The following IL1RAPL1 variants were observed in gnomAD, a reference collection of about 807,000 sequenced individuals.
The protein encoded by IL1RAPL1 is interleukin 1 receptor accessory protein like 1.
In IL1RAPL1, 3 loss-of-function variants were observed where a neutral mutation model predicts 48.4. The observed-to-expected ratio is 0.06, with a 90% CI of 0.03 to 0.16. IL1RAPL1 has a LOEUF of 0.16. IL1RAPL1 is among the 10% of genes least tolerant of loss of function. The pLI, the probability that IL1RAPL1 is intolerant of heterozygous loss-of-function variation, is 1.00. For synonymous variants in IL1RAPL1, 185 were observed against 187.7 expected, an observed-to-expected ratio of 0.99 and a Z score of 0.12; for missense variants, 349 against 530.6, an observed-to-expected ratio of 0.66 and a Z score of 3.36.
At chrX:29,083,780 T>A (rs1186180036) in intron 2 of IL1RAPL1, among the ~76,000 whole-genome samples, 1 of 112,001 alleles carries the variant, frequency 8.9e-6, no homozygotes, top group Non-Finnish European at 1.9e-5. Flanking sequence ...GTTAGGTACA[T>A]AGAGTATAGT....
At chrX:29,296,020 G>A (rs1932444558) in intron 3 of IL1RAPL1, among the ~76,000 whole-genome samples, 2 of 111,799 alleles carry the variant, frequency 1.8e-5, no homozygotes, top group African/African-American at 3.3e-5. Context: ...GCCTAAGATA[G>A]GGATTCCTGT....
intron 2 of IL1RAPL1, among the ~76,000 whole-genome samples, chrX:28,937,598 C>T (rs1345590478): frequency 9.0e-6 from 1 of 111,311 alleles, no homozygotes; most frequent in Non-Finnish European, 1.9e-5. Flanking sequence ...TTTTTAAAAT[C>T]ATGGTTACTA....
At chrX:28,656,490 C>G (rs771216802) in intron 1 of IL1RAPL1, among the ~76,000 whole-genome samples, 17 of 111,096 alleles carry the variant, frequency 1.5e-4, no homozygotes, top group African/African-American at 5.6e-4. Flanking sequence ...AATTCCAGTC[C>G]CATCAGCTTT....
At chrX:28,807,618 C>G (rs1237485922) in intron 2 of IL1RAPL1, among the ~76,000 whole-genome samples, 1 of 111,191 alleles carries the variant, frequency 9.0e-6, no homozygotes, top group Non-Finnish European at 1.9e-5. Flanking sequence ...GACTTAAAAA[C>G]TAAGACTTCT....
chrX:29,768,049 T>C (rs1354438397), intron 6 of IL1RAPL1, among the ~76,000 whole-genome samples: 4 of 111,925 alleles, frequency 3.6e-5, no homozygotes, highest in Admixed American at 2.9e-4. Context: ...TTTAAAAAAA[T>C]TATATTTTTC....
At chrX:28,739,093 A>G (rs1935878263) in intron 1 of IL1RAPL1, among the ~76,000 whole-genome samples, 1 of 111,253 alleles carries the variant, frequency 9.0e-6, no homozygotes, top group Admixed American at 9.6e-5. Context: ...CCTACACAGC[A>G]TTCCTCCTCT....
chrX:29,364,820 G>A (rs1483051521), intron 3 of IL1RAPL1, among the ~76,000 whole-genome samples: 1 of 110,819 alleles, frequency 9.0e-6, no homozygotes, highest in African/African-American at 3.3e-5. Context: ...TTGAACATCT[G>A]TGGGTTTCAG....
At chrX:29,356,870 T>G (rs1290742716) in intron 3 of IL1RAPL1, among the ~76,000 whole-genome samples, 3 of 111,788 alleles carry the variant, frequency 2.7e-5, no homozygotes, top group Non-Finnish European at 5.6e-5. Context: ...TAGAAGTGCT[T>G]GAAGATTCCC....
Position 29,214,557 on chromosome X carries a change from C to T in IL1RAPL1, c.83-68381C>T, listed in dbSNP as rs145052208. Among the ~76,000 whole-genome samples, 420 of 111,326 alleles carry T rather than the reference C, an allele frequency of 3.8e-3. 15 individuals carry two copies. The East Asian group carries it at 0.1, about 26-fold the overall frequency. ...ATAATAAAAGAATTAAAATTGGTAA[C>T]CTCTGAAGTCCCTCACTACTCAAAA... On this transcript the variant is annotated intron_variant, in intron 2 of 10. Coordinates refer to ENST00000378993, the MANE Select transcript of IL1RAPL1 (RefSeq NM_014271.4).
chrX:29,210,056 A>G (rs1218016167), intron 2 of IL1RAPL1, among the ~76,000 whole-genome samples: 1 of 112,188 alleles, frequency 8.9e-6, no homozygotes, highest in Non-Finnish European at 1.9e-5. Flanking sequence ...AAGTGGTTCA[A>G]ATTAATCATG....
At chrX:29,333,438 G>A (rs1311183791) in intron 3 of IL1RAPL1, among the ~76,000 whole-genome samples, 49 of 85,774 alleles carry the variant, frequency 5.7e-4, no homozygotes, top group African/African-American at 7.1e-4. Flanking sequence ...GGACGGGGCG[G>A]CTGGCCGGGC....
At chrX:28,602,461 G>A (rs1340269586) in intron 1 of IL1RAPL1, among the ~76,000 whole-genome samples, 1 of 112,163 alleles carries the variant, frequency 8.9e-6, no homozygotes, top group Non-Finnish European at 1.9e-5. Flanking sequence ...GGTAAGTTAT[G>A]TTCTTTTGCA....
intron 3 of IL1RAPL1, among the ~76,000 whole-genome samples, chrX:29,314,779 T>G (rs1369960994): frequency 8.9e-6 from 1 of 112,186 alleles, no homozygotes; most frequent in African/African-American, 3.2e-5. Flanking sequence ...TTAAATATAT[T>G]TTTCAACTAC....
intron 2 of IL1RAPL1, among the ~76,000 whole-genome samples, chrX:28,801,974 A>G (rs534775344): frequency 1.8e-5 from 2 of 111,767 alleles, no homozygotes; most frequent in African/African-American, 3.2e-5. Flanking sequence ...TTTTTCTGTA[A>G]CTTATTTTAC....
intron 6 of IL1RAPL1, among the ~76,000 whole-genome samples, chrX:29,904,128 C>G (rs892876551): frequency 8.9e-6 from 1 of 111,873 alleles, no homozygotes; most frequent in East Asian, 2.8e-4. Context: ...AGTCTTAGCT[C>G]TATCACTTGT....
At chrX:29,066,780 A>G (rs891677164) in intron 2 of IL1RAPL1, among the ~76,000 whole-genome samples, 6 of 111,986 alleles carry the variant, frequency 5.4e-5, no homozygotes, top group African/African-American at 9.8e-5. Flanking sequence ...GGGAGCTCCA[A>G]TTCTCTCAAA....
intron 2 of IL1RAPL1, among the ~76,000 whole-genome samples, chrX:29,213,478 A>G (rs1315279538): frequency 3.5e-5 from 4 of 112,792 alleles, no homozygotes; most frequent in Admixed American, 9.4e-5. Flanking sequence ...CAGAATGTGT[A>G]ATTGCTCTGT....
chrX:28,831,026 C>CTGTGTGTG (rs57923954), intron 2 of IL1RAPL1, among the ~76,000 whole-genome samples: 13 of 33,645 alleles, frequency 3.9e-4, no homozygotes, highest in African/African-American at 7.5e-4. Flanking sequence ...CTCTCTCTCT[C>CTGTGTGTG]TGTGTGTGTG....
At chrX:29,097,680 G>A (rs1928244455) in intron 2 of IL1RAPL1, among the ~76,000 whole-genome samples, 1 of 99,310 alleles carries the variant, frequency 1.0e-5, no homozygotes. Context: ...TTTAATTACA[G>A]AGCAATCAAC....
Sources: gnomAD v4.1 joint callset for allele counts (sites outside exome capture counted in the v4.1 genomes callset) on GRCh38, gnomAD v4.1.1 for gene constraint, MANE v1.5 for transcripts, NCBI Gene and HGNC (gene_info 2026-07-23, HGNC 2026-07-21) for gene names.